Variants in EBLN1 observed in about 807,000 individuals in gnomAD.
The protein encoded by EBLN1 is endogenous Bornavirus like nucleoprotein 1.
Under a neutral mutation model 0.8 loss-of-function variants are expected in EBLN1, and 1 was observed. That is an observed-to-expected ratio of 1.32 (90% CI 0.47 to 6.26). The LOEUF (loss-of-function observed/expected upper bound fraction) is 6.26, where lower values mean the gene tolerates loss of function less well. EBLN1 is among the 30% of genes most tolerant of loss of function. The probability of loss-of-function intolerance (pLI) is 0.15; values close to 1 mark genes in which losing one functional copy is unlikely to be tolerated. For synonymous variants in EBLN1, 158 were observed against 158.5 expected (o/e 1.00, Z 0.02); for missense variants, 396 against 447.9 (o/e 0.88, Z 1.05).
chr10:22,209,741 A>G lies in EBLN1; in HGVS notation c.243T>C (p.Phe81=), dbSNP rs778117833. The change falls in exon 3 of 3, where the codon TTT becomes TTC. Residue 81 remains phenylalanine (F), a synonymous_variant. Coordinates refer to ENST00000422359, the MANE Select transcript of EBLN1 (RefSeq NM_001394757.1). ...HFYLVTPSLV[F]LCFIFDGLHK... ...GTAATCCATCGAATATAAAACACAAAAATACTAAGCTTGGGGTTACAAGGT... is the reference window on the plus strand; with the variant it reads ...GTAATCCATCGAATATAAAACACAAGAATACTAAGCTTGGGGTTACAAGGT... 3 of 1,535,936 alleles carry G rather than the reference A, an allele frequency of 2.0e-6. No individual in the cohort carries two copies. In the South Asian group the frequency reaches 3.6e-5, roughly 18 times the overall value.
At position 22,209,625 on chromosome 10, in the gene EBLN1, T is replaced by C. The variant is rs992968950; in HGVS notation, c.359A>G (p.Lys120Arg). ...GAAGGTAGGCAAAACATCTTCAAAT[T>C]TGCTAGCATAGAGAGTACCTGTTTC... ...NKETGTLYAS[K>R]FEDVLPTFTA... The change falls in exon 3 of 3, where the codon AAA becomes AGA. Residue 120 changes from lysine (K) to arginine (R), a missense_variant. By Grantham distance (26) the Lys-to-Arg change is conservative. Coordinates refer to ENST00000422359, the MANE Select transcript of EBLN1 (RefSeq NM_001394757.1). 5 of 1,535,828 alleles carry C rather than the reference T, an allele frequency of 3.3e-6. No homozygotes were observed. Among genetic ancestry groups the C allele is most frequent in the Non-Finnish European group, 4.4e-6 (5 of 1,146,998 alleles).
intron 1 of EBLN1, among the ~76,000 whole-genome samples, chr10:22,215,776 G>A (rs703107): frequency 0.34 from 52,388 of 151,900 alleles, 10,663 homozygotes; most frequent in African/African-American, 0.57. Context: ...TCAGCATTAT[G>A]TATGACCATG....
rs1006571171 is a variant in EBLN1, at chr10:22,214,086, T to C, written c.-168-1121A>G. Reference sequence around the variant, plus strand: ...CAAATTCAGCAGGGAAGAGAGGAAGTGTTAAGAAAAATGGTAATGGTACAA... The same window carrying C: ...CAAATTCAGCAGGGAAGAGAGGAAGCGTTAAGAAAAATGGTAATGGTACAA... On this transcript the variant is annotated intron_variant, in intron 1 of 2. Transcript: ENST00000422359. Among the ~76,000 whole-genome samples the C allele has an allele frequency of 2.0e-5, 3 of 152,010 alleles. No homozygotes were observed. The East Asian group carries it at 5.8e-4, about 29-fold the overall frequency.
At chr10:22,213,352 T>A (rs1271307231) in intron 1 of EBLN1, among the ~76,000 whole-genome samples, 1 of 152,162 alleles carries the variant, frequency 6.6e-6, no homozygotes. Flanking sequence ...TAAGTTTAGT[T>A]CATAGATTCT....
intron 1 of EBLN1, among the ~76,000 whole-genome samples, 183 bp downstream of exon 1, chr10:22,217,733 A>T (rs569367885): frequency 6.6e-6 from 1 of 152,356 alleles, no homozygotes; most frequent in East Asian, 1.9e-4. Context: ...AACCACTTGA[A>T]AAAGGTTAAA....
At chr10:22,214,594 T>C (rs986968540) in intron 1 of EBLN1, among the ~76,000 whole-genome samples, 21 of 152,298 alleles carry the variant, frequency 1.4e-4, no homozygotes, top group African/African-American at 5.1e-4. Context: ...GCAAGCGATA[T>C]ATGGGGATTA....
At chr10:22,216,917 C>T (rs56399781) in intron 1 of EBLN1, among the ~76,000 whole-genome samples, 4,306 of 152,154 alleles carry the variant, frequency 0.028, 89 homozygotes, top group Middle Eastern at 0.071. Context: ...ACTATTTTAT[C>T]GAGATCAAAA....
chr10:22,214,499 A>G (rs1834776778), intron 1 of EBLN1, among the ~76,000 whole-genome samples: 1 of 132,426 alleles, frequency 7.6e-6, no homozygotes, highest in Non-Finnish European at 1.6e-5. Flanking sequence ...AGTAACAATG[A>G]AACAAGAGAA....
chr10:22,210,946 G>A (rs945799826), intron 2 of EBLN1, among the ~76,000 whole-genome samples: 3 of 152,138 alleles, frequency 2.0e-5, no homozygotes, highest in African/African-American at 7.2e-5. Flanking sequence ...TTTTAATTAA[G>A]TCTCACTTAA....
In EBLN1 at chr10:22,209,095, T is replaced by C. The variant is rs1282859597; in HGVS notation, c.889A>G (p.Met297Val). The change falls in exon 3 of 3, where the codon ATG (methionine) becomes GTG (valine). Residue 297 changes from methionine to valine, a missense_variant. Physicochemically the swap from Met to Val is conservative, Grantham distance 21. Coordinates refer to ENST00000422359, the MANE Select transcript of EBLN1 (RefSeq NM_001394757.1). ...GCTGCTGTTGCTAGGTTTGGGAACA[T>C]TTGTGGTGATAGCACCCCAATAACA... ...HPVIGVLSPQ[M>V]FPNLATAANY... 3 of 1,536,456 alleles carry C rather than the reference T, an allele frequency of 2.0e-6. No homozygotes were observed. The highest frequency in any genetic ancestry group is 1.4e-5 in the African/African-American group (1 of 73,040).
chr10:22,210,572 G>A (rs1045670579), intron 2 of EBLN1, among the ~76,000 whole-genome samples: 5 of 152,140 alleles, frequency 3.3e-5, no homozygotes, highest in African/African-American at 1.2e-4. Flanking sequence ...TTTTCAGTAT[G>A]CCTTCACACA....
At chr10:22,216,132 T>G (rs1834790425) in intron 1 of EBLN1, among the ~76,000 whole-genome samples, 1 of 151,788 alleles carries the variant, frequency 6.6e-6, no homozygotes, top group Non-Finnish European at 1.5e-5. Context: ...GAGAAGAGTT[T>G]CAGACTCAGT....
intron 2 of EBLN1, 54 bp from the exon 3 acceptor site, chr10:22,210,081 T>C: frequency 8.1e-7 from 1 of 1,240,032 alleles, no homozygotes; most frequent in East Asian, 2.8e-5. Flanking sequence ...ATTACATTTA[T>C]TAATAAAATG....
At chr10:22,214,302 CTTT>C (rs34128744) in intron 1 of EBLN1, among the ~76,000 whole-genome samples, 7 of 139,002 alleles carry the variant, frequency 5.0e-5, no homozygotes, top group Admixed American at 7.2e-5. Flanking sequence ...GTTTTACTTT[CTTT>C]TTTTTTTTTT....
intron 1 of EBLN1, among the ~76,000 whole-genome samples, chr10:22,216,468 G>A (rs541050119): frequency 3.3e-5 from 5 of 151,926 alleles, no homozygotes; most frequent in Non-Finnish European, 7.4e-5. Context: ...GACTCAAACA[G>A]GGCAACAACC....
chr10:22,213,739 C>T (rs183597374), intron 1 of EBLN1, among the ~76,000 whole-genome samples: 32 of 152,252 alleles, frequency 2.1e-4, no homozygotes, highest in Non-Finnish European at 4.0e-4. Flanking sequence ...AATGTCAAGT[C>T]TCTTGAAGTT....
At position 22,209,574 on chromosome 10, in the gene EBLN1, A is replaced by C; in HGVS notation, c.410T>G (p.Leu137Arg). 6.5e-7 allele frequency: 1 copy of C among 1,541,680 alleles called. No homozygotes were observed. The highest frequency in any genetic ancestry group is 8.7e-7 in the Non-Finnish European group (1 of 1,150,060). Residue 137 changes from leucine (L) to arginine (R), a missense_variant, in exon 3 of 3, where the codon CTG becomes CGG. Leu to Arg is a moderately radical substitution (Grantham distance 102, BLOSUM62 -2). Transcript: ENST00000422359. ...TFTALEMSSI[L>R]RHCCDLIGIA... The stretch of plus-strand genomic sequence containing the variant: ...GCCTATCAGATCACAGCAGTGACGC[A>C]GAATTGATGACATCTCAAGGGCAGT...
intron 2 of EBLN1, among the ~76,000 whole-genome samples, chr10:22,211,543 A>G: frequency 6.6e-6 from 1 of 152,046 alleles, no homozygotes; most frequent in Non-Finnish European, 1.5e-5. Flanking sequence ...CCCAGGCTGG[A>G]GTGCAGTGGC....
At chr10:22,210,137 T>C in intron 2 of EBLN1, 110 bp from the exon 3 acceptor site, 1 of 1,039,986 alleles carries the variant, frequency 9.6e-7, no homozygotes, top group Non-Finnish European at 1.2e-6. Context: ...ATATTCAGTT[T>C]TTTAGTCTAG....
Sources: allele counts gnomAD v4.1 joint callset (sites outside exome capture counted in the v4.1 genomes callset), GRCh38; gene constraint gnomAD v4.1.1; transcripts MANE v1.5; gene names NCBI Gene and HGNC (gene_info 2026-07-23, HGNC 2026-07-21).